Variants in SACM1L observed in about 807,000 individuals in gnomAD.
SACM1L encodes the protein SAC1 like phosphatidylinositide phosphatase.
A neutral mutation model predicts 89.5 loss-of-function variants in SACM1L; 32 were observed. The ratio of observed to expected loss-of-function variants is 0.36; its 90% CI spans 0.27 to 0.48. The LOEUF is 0.48. SACM1L is among the 20% of genes least tolerant of loss of function. SACM1L has a pLI of 0.99. For synonymous variants in SACM1L, 213 were observed against 232.8 expected (o/e 0.92, Z 0.77); for missense variants, 543 against 708.5 (o/e 0.77, Z 2.65).
At chr3:45,703,690 G>A (rs1698326328) in intron 2 of SACM1L, among the ~76,000 whole-genome samples, 155 bp downstream of exon 2, 1 of 152,078 alleles carries the variant, frequency 6.6e-6, no homozygotes, top group South Asian at 2.1e-4. Flanking sequence ...ATAGGTTGGT[G>A]CATCAATTTT....
chr3:45,721,213 A>G (rs1698779771), intron 8 of SACM1L, among the ~76,000 whole-genome samples: 1 of 152,240 alleles, frequency 6.6e-6, no homozygotes, highest in Non-Finnish European at 1.5e-5. Flanking sequence ...CATTATTATA[A>G]CAAAATATTA....
intron 5 of SACM1L, among the ~76,000 whole-genome samples, chr3:45,712,790 T>C (rs972546946): frequency 7.2e-6 from 1 of 139,486 alleles, no homozygotes; most frequent in Middle Eastern, 3.4e-3. Flanking sequence ...ATGCCTAAAC[T>C]GGAGGCAAGG....
chr3:45,709,401 A>T, intron 4 of SACM1L, 97 bp from the exon 5 acceptor site: 1 of 1,100,552 alleles, frequency 9.1e-7, no homozygotes, highest in Non-Finnish European at 1.3e-6. Context: ...GTAGTCTTTA[A>T]TGAGACTGGA....
Position 45,717,615 on chromosome 3 carries a change from A to G in SACM1L, c.578-1885A>G, listed in dbSNP as rs72884183. Among the ~76,000 whole-genome samples the G allele has an allele frequency of 9.9e-3, 1,516 of 152,384 alleles. 36 individuals carry two copies. The highest frequency in any genetic ancestry group is 0.033 in the African/African-American group (1,378 of 41,602). On this transcript the variant is annotated intron_variant, in intron 7 of 19. Coordinates refer to ENST00000389061, the MANE Select transcript of SACM1L (RefSeq NM_014016.5). Reference sequence around the variant, plus strand: ...TATAATGGATGCATCAAATTATATTAAGAAAAAGTGTTACATATAGAAAAT... The same window carrying G: ...TATAATGGATGCATCAAATTATATTGAGAAAAAGTGTTACATATAGAAAAT...
intron 1 of SACM1L, among the ~76,000 whole-genome samples, chr3:45,701,738 C>A (rs975683924): frequency 6.6e-6 from 1 of 152,194 alleles, no homozygotes; most frequent in African/African-American, 2.4e-5. Context: ...ATCCGTCACC[C>A]TGAAACGTTT....
intron 1 of SACM1L, among the ~76,000 whole-genome samples, chr3:45,699,671 G>A (rs941612283): frequency 6.6e-6 from 1 of 151,892 alleles, no homozygotes; most frequent in Non-Finnish European, 1.5e-5. Flanking sequence ...ACAGGCATGC[G>A]CCACCACACC....
intron 8 of SACM1L, among the ~76,000 whole-genome samples, chr3:45,721,054 A>G (rs1197951717): frequency 6.6e-6 from 1 of 152,240 alleles, no homozygotes; most frequent in Admixed American, 6.5e-5. Flanking sequence ...AATATTTGAA[A>G]GAACTAAACA....
At chr3:45,730,102 A>T (rs1267688111) in intron 11 of SACM1L, among the ~76,000 whole-genome samples, 3 of 152,060 alleles carry the variant, frequency 2.0e-5, no homozygotes, top group Admixed American at 2.0e-4. Flanking sequence ...GTCTTTGTCT[A>T]ATAAGTCTAG....
chr3:45,699,187 A>G (rs1698201629), intron 1 of SACM1L, among the ~76,000 whole-genome samples: 1 of 152,112 alleles, frequency 6.6e-6, no homozygotes, highest in South Asian at 2.1e-4. Context: ...AACTTCTGGT[A>G]TTTTACTCCA....
At chr3:45,722,184 TTCTTATGTAATATTTTTATC>T in intron 9 of SACM1L, 99 bp downstream of exon 9, 1 of 736,858 alleles carries the variant, frequency 1.4e-6, no homozygotes, top group South Asian at 1.9e-5. Context: ...CCCTTCTCTG[TTCTTATGTAATATTTTTATC>T]TATGGTGCAG....
chr3:45,711,189 G>T (rs1362554722), intron 5 of SACM1L, among the ~76,000 whole-genome samples: 1 of 152,146 alleles, frequency 6.6e-6, no homozygotes, highest in Non-Finnish European at 1.5e-5. Context: ...ACACAGAAAG[G>T]TAACTTTTGA....
intron 2 of SACM1L, among the ~76,000 whole-genome samples, chr3:45,704,889 A>AT (rs1698351785): frequency 1.3e-5 from 2 of 152,112 alleles, no homozygotes; most frequent in South Asian, 2.1e-4. Flanking sequence ...TAATGGGATT[A>AT]TTTTTTCTTC....
intron 1 of SACM1L, among the ~76,000 whole-genome samples, chr3:45,697,357 G>A (rs1698157803): frequency 1.4e-5 from 2 of 143,166 alleles, no homozygotes; most frequent in African/African-American, 5.2e-5. Flanking sequence ...GCTCAGAGCA[G>A]CCTCTGCCTC....
chr3:45,712,403 G>A (rs1361274943), intron 5 of SACM1L, among the ~76,000 whole-genome samples: 4 of 152,104 alleles, frequency 2.6e-5, no homozygotes, highest in South Asian at 4.1e-4. Flanking sequence ...GTGCTACCAC[G>A]TCTGACTAAT....
At chr3:45,718,826 T>C (rs941031957) in intron 7 of SACM1L, among the ~76,000 whole-genome samples, 21 of 152,288 alleles carry the variant, frequency 1.4e-4, no homozygotes, top group African/African-American at 4.6e-4. Context: ...TATGACTGTT[T>C]ATATTACTGA....
At chr3:45,710,201 CTT>C (rs556443344) in intron 5 of SACM1L, among the ~76,000 whole-genome samples, 1 of 142,384 alleles carries the variant, frequency 7.0e-6, no homozygotes. Flanking sequence ...TTTTATTTTG[CTT>C]TTTTTTTTTT....
At chr3:45,713,239 A>G (rs775155532) in intron 6 of SACM1L, 43 bp downstream of exon 6, 2 of 1,481,430 alleles carry the variant, frequency 1.4e-6, no homozygotes, top group Non-Finnish European at 1.9e-6. Flanking sequence ...TTACAGTCCA[A>G]GCTTTAATTC....
At position 45,738,770 on chromosome 3, in the gene SACM1L, T is replaced by C; in HGVS notation, c.1477-11T>C. On this transcript the variant is annotated splice_polypyrimidine_tract_variant and intron_variant, in intron 17 of 19. Transcript: ENST00000389061. ...ACACTGAGTTTACGAATTTCTTCCTTTCTGTTCTAGGATTCCATAGACTTA... is the reference window on the plus strand; with the variant it reads ...ACACTGAGTTTACGAATTTCTTCCTCTCTGTTCTAGGATTCCATAGACTTA... 1 of 1,590,776 alleles carries C rather than the reference T, an allele frequency of 6.3e-7. No homozygotes were observed. The highest frequency in any genetic ancestry group is 8.6e-7 in the Non-Finnish European group (1 of 1,159,514).
intron 13 of SACM1L, 144 bp from the exon 14 acceptor site, chr3:45,735,091 T>C (rs560728674): frequency 1.3e-6 from 1 of 771,664 alleles, no homozygotes; most frequent in East Asian, 2.9e-5. Flanking sequence ...GATAATCACA[T>C]ATGCCTGACC....
Sources: gnomAD v4.1 joint callset for allele counts (sites outside exome capture counted in the v4.1 genomes callset) on GRCh38, gnomAD v4.1.1 for gene constraint, MANE v1.5 for transcripts, NCBI Gene and HGNC (gene_info 2026-07-23, HGNC 2026-07-21) for gene names.